Variants in FAM20A observed in about 807,000 individuals in gnomAD.
FAM20A encodes the protein FAM20A golgi associated secretory pathway pseudokinase, also known as pseudokinase FAM20A.
A neutral mutation model predicts 52.0 loss-of-function variants in FAM20A; 42 were observed. That is an observed-to-expected ratio of 0.81 (90% CI 0.63 to 1.04). The LOEUF (loss-of-function observed/expected upper bound fraction) is 1.04, where lower values mean the gene tolerates loss of function less well. FAM20A is among the 50% of genes least tolerant of loss of function. The probability of loss-of-function intolerance (pLI) is 0.00; values close to 1 mark genes in which losing one functional copy is unlikely to be tolerated. For synonymous variants in FAM20A, 304 were observed against 298.9 expected, an observed-to-expected ratio of 1.02 and a Z score of -0.18; for missense variants, 742 against 712.7, an observed-to-expected ratio of 1.04 and a Z score of -0.47.
intron 3 of FAM20A, among the ~76,000 whole-genome samples, chr17:68,552,666 C>CTTTTTT (rs576230517): frequency 1.3e-4 from 9 of 66,838 alleles, no homozygotes; most frequent in African/African-American, 1.9e-4. Flanking sequence ...CTTTATTTTC[C>CTTTTTT]TTTTTTTTTT....
intron 1 of FAM20A, chr17:68,590,443 TG>T (rs1468523302): frequency 2.0e-5 from 3 of 151,426 alleles, no homozygotes; most frequent in Admixed American, 2.0e-4. Context: ...CGTGAACCCG[TG>T]GGAGAAAGAG....
At chr17:68,544,681 T>G (rs111566008) in intron 4 of FAM20A, among the ~76,000 whole-genome samples, 6 of 152,244 alleles carry the variant, frequency 3.9e-5, no homozygotes, top group African/African-American at 1.4e-4. Context: ...AAGTAGAGAT[T>G]CTATTTTAAA....
intron 3 of FAM20A, 143 bp downstream of exon 3, chr17:68,554,634 G>GTA: frequency 1.3e-6 from 1 of 798,232 alleles, no homozygotes; most frequent in Non-Finnish European, 2.1e-6. Flanking sequence ...TGGGTGGATG[G>GTA]GGAGAAACGT....
intron 4 of FAM20A, among the ~76,000 whole-genome samples, chr17:68,550,369 CTTTTTTTTTTTT>C (rs747654899): frequency 5.0e-5 from 4 of 79,390 alleles, no homozygotes; most frequent in South Asian, 5.8e-4. Flanking sequence ...AATGGGGGAA[CTTTTTTTTTTTT>C]TTTTTTTTTT....
chr17:68,541,946 T>C (rs2143494959), intron 7 of FAM20A, 39 bp downstream of exon 7: 2 of 1,590,152 alleles, frequency 1.3e-6, no homozygotes, highest in Non-Finnish European at 1.7e-6. Context: ...CTGTGGCTAC[T>C]GTCAAGGACT....
chr17:68,562,814 A>AT (rs1018254121), intron 1 of FAM20A, among the ~76,000 whole-genome samples: 8 of 152,060 alleles, frequency 5.3e-5, no homozygotes, highest in African/African-American at 1.9e-4. Flanking sequence ...ATTCTTAAAG[A>AT]TTTTTCAAAG....
chr17:68,570,750 AGTGATGCCAAGTCCT>A (rs2087514110), intron 1 of FAM20A, among the ~76,000 whole-genome samples: 1 of 152,220 alleles, frequency 6.6e-6, no homozygotes, highest in Admixed American at 6.5e-5. Context: ...CTCCAAAAGT[AGTGATGCCAAGTCCT>A]CTCAAGTATA....
chr17:68,588,982 C>A (rs549636579), intron 1 of FAM20A, among the ~76,000 whole-genome samples: 17 of 152,338 alleles, frequency 1.1e-4, no homozygotes, highest in African/African-American at 3.8e-4. Flanking sequence ...TAGAAGAGAA[C>A]TAAGTTGTGT....
intron 4 of FAM20A, among the ~76,000 whole-genome samples, chr17:68,544,711 GC>G (rs140271776): frequency 0.064 from 9,730 of 152,254 alleles, 467 homozygotes; most frequent in Non-Finnish European, 0.1. Flanking sequence ...CACCGTTACA[GC>G]ACAACCCTCC....
At chr17:68,555,315 A>G (rs761695979) in intron 2 of FAM20A, among the ~76,000 whole-genome samples, 2 of 152,224 alleles carry the variant, frequency 1.3e-5, no homozygotes, top group African/African-American at 2.4e-5. Flanking sequence ...GCAACACTCA[A>G]TAAATGGTAG....
At chr17:68,597,398 T>C (rs1043591963) in intron 1 of FAM20A, among the ~76,000 whole-genome samples, 9 of 152,128 alleles carry the variant, frequency 5.9e-5, no homozygotes, top group African/African-American at 2.2e-4. Context: ...ACATTTTTTT[T>C]TTTTGAGATG....
rs374316409 is a variant in FAM20A at position 68,594,315 on chromosome 17, C to T, written c.404+5948G>A. Among the ~76,000 whole-genome samples, 23 of 151,588 alleles carry T rather than the reference C, an allele frequency of 1.5e-4. 1 individual carries two copies. The Middle Eastern group carries it at 0.01, about 67-fold the overall frequency. On this transcript the variant is annotated intron_variant, in intron 1 of 10. Transcript: ENST00000592554. ...TCGGGAGGCTGAGGCAGGAGAATGG[C>T]GTGAACCCGGGAGGCGGAGCTTGCA...
intron 1 of FAM20A, among the ~76,000 whole-genome samples, chr17:68,576,323 G>A (rs1476408385): frequency 6.6e-6 from 1 of 152,214 alleles, no homozygotes; most frequent in African/African-American, 2.4e-5. Flanking sequence ...CAGGTCCATT[G>A]TTAGCCCATT....
Position 68,537,472 on chromosome 17 carries a change from A to G in FAM20A, c.*5T>C, listed in dbSNP as rs374740151. Reference sequence around the variant, plus strand: ...GTATTTTCTGAAACTGGACTCTGCCAGCCCTTAGCTTGTCAAGTTAGCCTG... The same window carrying G: ...GTATTTTCTGAAACTGGACTCTGCCGGCCCTTAGCTTGTCAAGTTAGCCTG... On this transcript the variant is annotated 3_prime_UTR_variant, in exon 11 of 11. Coordinates refer to ENST00000592554, the MANE Select transcript of FAM20A (RefSeq NM_017565.4). The surrounding 1 kb of genome is among the most constrained non-coding windows in gnomAD (Gnocchi z 4.2). The G allele has an allele frequency of 6.2e-7, 1 of 1,614,074 alleles. No homozygotes were observed. The highest frequency in any genetic ancestry group is 2.2e-5 in the East Asian group (1 of 44,874).
chr17:68,581,418 T>TTTCTTTCTTTCTTTCTTTC (rs1386005874), intron 1 of FAM20A, among the ~76,000 whole-genome samples: 19 of 52,086 alleles, frequency 3.6e-4, no homozygotes, highest in African/African-American at 1.4e-3. Flanking sequence ...TTCTTTCTTT[T>TTTCTTTCTTTCTTTCTTTC]TCTCTTTTCT....
At chr17:68,552,002 GCTTGTGACTCTGTTC>G (rs771031824) in intron 3 of FAM20A, 51 bp from the exon 4 acceptor site, 19 of 1,210,068 alleles carry the variant, frequency 1.6e-5, no homozygotes, top group Non-Finnish European at 2.3e-5. Flanking sequence ...CTCAGCCAAG[GCTTGTGACTCTGTTC>G]CTTCAATAAG....
At chr17:68,581,474 C>CTTTTTCTCT (rs1375030510) in intron 1 of FAM20A, among the ~76,000 whole-genome samples, 58 of 103,156 alleles carry the variant, frequency 5.6e-4, no homozygotes, top group Non-Finnish European at 9.0e-4. Context: ...TTCTTTCTTT[C>CTTTTTCTCT]TTTCTTTCTT....
chr17:68,544,051 A>G (rs1441790602), intron 4 of FAM20A, among the ~76,000 whole-genome samples: 1 of 152,222 alleles, frequency 6.6e-6, no homozygotes, highest in Non-Finnish European at 1.5e-5. Flanking sequence ...TTCTGCAGGT[A>G]TAAACAGAAG....
intron 1 of FAM20A, among the ~76,000 whole-genome samples, chr17:68,592,989 C>T (rs1318257298): frequency 6.6e-6 from 1 of 152,238 alleles, no homozygotes; most frequent in African/African-American, 2.4e-5. Context: ...CTGCCATCTC[C>T]ATAGCACTTC....
Sources: allele counts gnomAD v4.1 joint callset (sites outside exome capture counted in the v4.1 genomes callset), GRCh38; gene constraint gnomAD v4.1.1; non-coding constraint Gnocchi (gnomAD v3.1); transcripts MANE v1.5; gene names NCBI Gene and HGNC (gene_info 2026-07-23, HGNC 2026-07-21).